The following RALGAPA2 variants were observed in gnomAD, a reference collection of about 807,000 sequenced individuals.
RALGAPA2 encodes the protein ral GTPase-activating protein subunit alpha-2.
In RALGAPA2, 139 loss-of-function variants were observed where a neutral mutation model predicts 230.4. That is an observed-to-expected ratio of 0.60 (90% CI 0.53 to 0.69). RALGAPA2 has a LOEUF of 0.69. RALGAPA2 is among the 30% of genes least tolerant of loss of function. The probability of loss-of-function intolerance (pLI) is 0.00; values close to 1 mark genes in which losing one functional copy is unlikely to be tolerated. For synonymous variants in RALGAPA2, 847 were observed against 837.8 expected (o/e 1.01, Z -0.19); for missense variants, 2,163 against 2,276.0 (o/e 0.95, Z 1.01).
rs576504994 is a variant in RALGAPA2, at chr20:20,596,155, T to C, written c.2204-4841A>G. 1.2e-3 allele frequency among the ~76,000 whole-genome samples: 181 copies of C among 152,258 alleles called. 1 individual carries two copies. Among genetic ancestry groups the C allele is most frequent in the African/African-American group, 4.1e-3 (169 of 41,548 alleles). ...CCAAAATACAAACGTCACTTCTTCC[T>C]CCCAGAATATGAACAACCCACCCAA... On this transcript the variant is annotated intron_variant, in intron 16 of 39. Coordinates refer to ENST00000202677, the MANE Select transcript of RALGAPA2 (RefSeq NM_020343.4).
In RALGAPA2 at chr20:20,546,806, G is replaced by C; in HGVS notation, c.3183C>G (p.His1061Gln). ...CCAGGGAGAAAAAGCGGGGTGGACA[G>C]TGCCTTATGATCGTATTTAAGATAT... is the stretch of plus-strand genomic sequence containing the variant. ...DQDILNTIIR[H>Q]CPPRFFSLGF... Residue 1061 changes from histidine to glutamine, a missense_variant, in exon 24 of 40, where the codon CAC becomes CAG. By Grantham distance (24) the His-to-Gln change is conservative (BLOSUM62 0). Transcript: ENST00000202677. 1 of 1,605,338 alleles carries C rather than the reference G, an allele frequency of 6.2e-7. No homozygotes were observed. Among genetic ancestry groups the C allele is most frequent in the Non-Finnish European group, 8.5e-7 (1 of 1,177,502 alleles).
At chr20:20,692,871 T>C (rs774230445) in intron 1 of RALGAPA2, among the ~76,000 whole-genome samples, 1 of 152,204 alleles carries the variant, frequency 6.6e-6, no homozygotes, top group Non-Finnish European at 1.5e-5. Flanking sequence ...CTCCCTGCCT[T>C]GGGACCTCTT....
chr20:20,600,613 T>C (rs2065610580), intron 16 of RALGAPA2, among the ~76,000 whole-genome samples: 1 of 152,350 alleles, frequency 6.6e-6, no homozygotes, highest in South Asian at 2.1e-4. Context: ...CTATAGAATA[T>C]GTTAAGCTTT....
intron 37 of RALGAPA2, among the ~76,000 whole-genome samples, chr20:20,460,506 T>C (rs1013790310): frequency 6.6e-6 from 1 of 152,130 alleles, no homozygotes; most frequent in Non-Finnish European, 1.5e-5. Flanking sequence ...AAAGAGAATA[T>C]CCCCAAACTC....
chr20:20,447,813 T>C (rs1483813819), intron 37 of RALGAPA2, among the ~76,000 whole-genome samples: 1 of 152,172 alleles, frequency 6.6e-6, no homozygotes, highest in Non-Finnish European at 1.5e-5. Context: ...CCTACTGGAC[T>C]GAGCCACATC....
At chr20:20,464,404 C>A (rs2061370382) in intron 37 of RALGAPA2, among the ~76,000 whole-genome samples, 1 of 152,200 alleles carries the variant, frequency 6.6e-6, no homozygotes, top group African/African-American at 2.4e-5. Flanking sequence ...AAAACCACAA[C>A]TAGGTCCCTA....
At chr20:20,561,446 C>G (rs1182513481) in intron 23 of RALGAPA2, among the ~76,000 whole-genome samples, 1 of 152,224 alleles carries the variant, frequency 6.6e-6, no homozygotes, top group East Asian at 1.9e-4. Context: ...TTTGCAGATG[C>G]AGGCCACACA....
At chr20:20,680,086 C>G (rs2068466856) in intron 2 of RALGAPA2, among the ~76,000 whole-genome samples, 2 of 152,134 alleles carry the variant, frequency 1.3e-5, no homozygotes, top group Non-Finnish European at 1.5e-5. Context: ...AGCTCAGAGA[C>G]AGATTAATTT....
At chr20:20,581,029 T>G (rs1423869750) in intron 20 of RALGAPA2, among the ~76,000 whole-genome samples, 1 of 152,202 alleles carries the variant, frequency 6.6e-6, no homozygotes, top group East Asian at 1.9e-4. Context: ...CCTTAAGCCT[T>G]ATCACATTAC....
At chr20:20,498,477 G>C (rs1172253535) in intron 35 of RALGAPA2, among the ~76,000 whole-genome samples, 1 of 152,180 alleles carries the variant, frequency 6.6e-6, no homozygotes, top group Non-Finnish European at 1.5e-5. Context: ...CACCGGTCAT[G>C]GTACACACCT....
chr20:20,594,020 C>A (rs2065374254), intron 16 of RALGAPA2, among the ~76,000 whole-genome samples: 1 of 152,104 alleles, frequency 6.6e-6, no homozygotes, highest in Non-Finnish European at 1.5e-5. Flanking sequence ...CGGTCAGTAG[C>A]AGGGCAGGAG....
chr20:20,428,483 T>C (rs568820537), intron 37 of RALGAPA2, among the ~76,000 whole-genome samples: 1 of 152,336 alleles, frequency 6.6e-6, no homozygotes, highest in East Asian at 1.9e-4. Flanking sequence ...AGTTTTATAT[T>C]AATGGCATGA....
At chr20:20,607,077 A>T (rs2065843061) in intron 14 of RALGAPA2, among the ~76,000 whole-genome samples, 1 of 152,232 alleles carries the variant, frequency 6.6e-6, no homozygotes, top group African/African-American at 2.4e-5. Context: ...GCATTGGCCC[A>T]ACCCAGATGC....
chr20:20,634,054 C>CT (rs2066774465), intron 9 of RALGAPA2, among the ~76,000 whole-genome samples: 1 of 152,132 alleles, frequency 6.6e-6, no homozygotes, highest in African/African-American at 2.4e-5. Flanking sequence ...ACTACTGTCT[C>CT]TTAATTCCTG....
chr20:20,614,039 G>A lies in RALGAPA2; in HGVS notation c.1688+2004C>T, dbSNP rs561181902. 4.3e-4 allele frequency among the ~76,000 whole-genome samples: 65 copies of A among 152,280 alleles called. 1 individual carries two copies. The highest frequency in any genetic ancestry group is 6.6e-4 in the Non-Finnish European group (45 of 68,030). On this transcript the variant is annotated intron_variant, in intron 13 of 39. Coordinates refer to ENST00000202677, the MANE Select transcript of RALGAPA2 (RefSeq NM_020343.4). ...TCGCCACTATATTCTCACAGTAGAAGCTCGATAGTTATTTATTAGATGGAA... is the reference window on the plus strand; with the variant it reads ...TCGCCACTATATTCTCACAGTAGAAACTCGATAGTTATTTATTAGATGGAA...
At chr20:20,520,339 TATC>T (rs1602631048) in intron 31 of RALGAPA2, among the ~76,000 whole-genome samples, 1 of 152,198 alleles carries the variant, frequency 6.6e-6, no homozygotes, top group African/African-American at 2.4e-5. Context: ...GCTGGGCTCT[TATC>T]ATTCTGGGGA....
chr20:20,417,286 G>C (rs1455988105), intron 37 of RALGAPA2, among the ~76,000 whole-genome samples: 3 of 152,140 alleles, frequency 2.0e-5, no homozygotes, highest in Non-Finnish European at 2.9e-5. Context: ...CCACCAACTG[G>C]GTGGCTTAAA....
intron 4 of RALGAPA2, among the ~76,000 whole-genome samples, chr20:20,646,446 T>C (rs191761680): frequency 4.5e-4 from 69 of 152,334 alleles, no homozygotes; most frequent in African/African-American, 1.5e-3. Flanking sequence ...TGTTTGGATT[T>C]TTAAACTTCT....
intron 37 of RALGAPA2, among the ~76,000 whole-genome samples, chr20:20,445,569 A>G (rs1419846143): frequency 1.3e-5 from 2 of 152,200 alleles, no homozygotes; most frequent in East Asian, 1.9e-4. Flanking sequence ...AACCATAACA[A>G]AAAAAGGCCA....
Sources: gnomAD v4.1 joint callset for allele counts (sites outside exome capture counted in the v4.1 genomes callset) on GRCh38, gnomAD v4.1.1 for gene constraint, MANE v1.5 for transcripts, NCBI Gene and HGNC (gene_info 2026-07-23, HGNC 2026-07-21) for gene names.